Variants in IFIT1 observed in about 807,000 individuals in gnomAD.
IFIT1 encodes the protein antiviral innate immune response effector IFIT1.
Under a neutral mutation model 2.5 loss-of-function variants are expected in IFIT1, and 1 was observed. The observed-to-expected ratio is 0.40, with a 90% confidence interval of 0.14 to 1.92. The LOEUF (loss-of-function observed/expected upper bound fraction) is 1.92, where lower values mean the gene tolerates loss of function less well. IFIT1 is among the 40% of genes most tolerant of loss of function. The probability of loss-of-function intolerance (pLI) is 0.31; values close to 1 mark genes in which losing one functional copy is unlikely to be tolerated. For synonymous variants in IFIT1, 191 were observed against 201.7 expected, an observed-to-expected ratio of 0.95 and a Z score of 0.45; for missense variants, 508 against 557.8, an observed-to-expected ratio of 0.91 and a Z score of 0.90.
chr10:89,393,414 G>T, intron 1 of IFIT1: 1 of 737,700 alleles, frequency 1.4e-6, no homozygotes, highest in Non-Finnish European at 1.9e-6. Flanking sequence ...AGGGCCTAAT[G>T]TGGGAATTTC....
chr10:89,395,187 C>G (rs1844323489), intron 1 of IFIT1, among the ~76,000 whole-genome samples: 1 of 150,114 alleles, frequency 6.7e-6, no homozygotes, highest in Admixed American at 6.6e-5. Context: ...GACCCCACCC[C>G]CACCCCACAT....
intron 1 of IFIT1, 120 bp downstream of exon 1, chr10:89,392,837 T>C: frequency 1.0e-6 from 1 of 969,458 alleles, no homozygotes; most frequent in Non-Finnish European, 1.6e-6. Flanking sequence ...TCGATTTGAG[T>C]ATCTGCTTAT....
rs112771875 is a variant in IFIT1 at position 89,405,894 on chromosome 10, C to CGGG, written c.*2188_*2190dup. ...GGAGACTTGGCCATGGATACGATTG[C>CGGG]GGGGGGGGCATTATTCTTACCACAG... is the stretch of plus-strand genomic sequence containing the variant. On this transcript the variant is annotated 3_prime_UTR_variant, in exon 2 of 2. Coordinates refer to ENST00000371804, the MANE Select transcript of IFIT1 (RefSeq NM_001548.5). 3.0e-4 allele frequency: 45 copies of CGGG among 151,490 alleles called. No individual in the cohort carries two copies. The highest frequency in any genetic ancestry group is 1.0e-3 in the African/African-American group (42 of 41,272). 9.4% of individuals were successfully genotyped at this position (151,490 alleles called of 1,614,324 possible). A position where few individuals can be genotyped will look rare whatever the true frequency, so the allele number is the denominator to read the frequency against.
intron 1 of IFIT1, among the ~76,000 whole-genome samples, chr10:89,397,772 T>C (rs1844366191): frequency 1.3e-5 from 2 of 152,226 alleles, no homozygotes; most frequent in Non-Finnish European, 2.9e-5. Context: ...ACTATACCAA[T>C]TTACAAAAAC....
At chr10:89,394,393 G>A (rs1844302991) in intron 1 of IFIT1, among the ~76,000 whole-genome samples, 1 of 151,978 alleles carries the variant, frequency 6.6e-6, no homozygotes, top group East Asian at 1.9e-4. Flanking sequence ...AGATCACACA[G>A]ACAATAAGTG....
intron 1 of IFIT1, among the ~76,000 whole-genome samples, chr10:89,398,098 ATCAG>A (rs1384950779): frequency 6.6e-6 from 1 of 152,152 alleles, no homozygotes; most frequent in Admixed American, 6.5e-5. Context: ...AGTGTGGAGG[ATCAG>A]TCAGAGTGAC....
Position 89,402,900 on chromosome 10 carries a change from G to C in IFIT1, c.625G>C (p.Ala209Pro). The change falls in exon 2 of 2, where the codon GCT becomes CCT. Residue 209 changes from alanine (A) to proline (P), a missense_variant. Transcript: ENST00000371804. ...ATTTTCTTTGCTTCCCCTAAGGCAG[G>C]CTGTCCGCTTAAATCCAGACAATGG... ...KPFSLLPLRQ[A>P]VRLNPDNGYI... is the part of the protein sequence containing the mutation. 2 of 1,614,182 alleles carry C rather than the reference G, an allele frequency of 1.2e-6. No homozygotes were observed. The highest frequency in any genetic ancestry group is 1.7e-6 in the Non-Finnish European group (2 of 1,180,044).
intron 1 of IFIT1, among the ~76,000 whole-genome samples, chr10:89,400,668 C>T (rs1185310084): frequency 6.6e-6 from 1 of 152,086 alleles, no homozygotes; most frequent in Non-Finnish European, 1.5e-5. Context: ...TGTGTAGAAT[C>T]CTTAGAATTT....
Position 89,402,457 on chromosome 10 carries a change from T to C in IFIT1, c.182T>C (p.Val61Ala). The change falls in exon 2 of 2, where the codon GTG becomes GCG. Residue 61 changes from valine (V) to alanine (A), a missense_variant. Transcript: ENST00000371804. ...GGAATACACAACCTACTAGCCTATGTGAAACACCTGAAAGGCCAGAATGAG... is the reference window on the plus strand; with the variant it reads ...GGAATACACAACCTACTAGCCTATGCGAAACACCTGAAAGGCCAGAATGAG... ...SVGIHNLLAYVKHLKGQNEEA... is the reference protein window; with the variant it reads ...SVGIHNLLAYAKHLKGQNEEA... 1.3e-5 allele frequency: 21 copies of C among 1,614,192 alleles called. No homozygotes were observed. The highest frequency in any genetic ancestry group is 1.7e-5 in the Non-Finnish European group (20 of 1,180,042).
rs550365628 is a variant in IFIT1, at chr10:89,405,901, G to C, written c.*2189G>C. 2.6e-5 allele frequency: 4 copies of C among 152,014 alleles called. No homozygotes were observed. Among genetic ancestry groups the C allele is most frequent in the Non-Finnish European group, 4.4e-5 (3 of 67,988 alleles). The allele number at this position is 152,014 out of a possible 1,614,324, so 9.4% of individuals were successfully genotyped here. A position where few individuals can be genotyped will look rare whatever the true frequency, so the allele number is the denominator to read the frequency against. On this transcript the variant is annotated 3_prime_UTR_variant, in exon 2 of 2. Transcript: ENST00000371804. ...TGGCCATGGATACGATTGCGGGGGGGGCATTATTCTTACCACAGAGCACCC... is the reference window on the plus strand; with the variant it reads ...TGGCCATGGATACGATTGCGGGGGGCGCATTATTCTTACCACAGAGCACCC...
chr10:89,397,601 T>A (rs965852220), intron 1 of IFIT1, among the ~76,000 whole-genome samples: 1 of 152,162 alleles, frequency 6.6e-6, no homozygotes, highest in Non-Finnish European at 1.5e-5. Flanking sequence ...ATCTTAAACT[T>A]CTGGCCTCAA....
In IFIT1 at chr10:89,402,610, C is replaced by A; in HGVS notation, c.335C>A (p.Ala112Glu). Residue 112 changes from alanine to glutamate, a missense_variant, in exon 2 of 2, where the codon GCA becomes GAA. Ala to Glu is a moderately radical substitution (Grantham distance 107, BLOSUM62 -1). Transcript: ENST00000371804. ...ATGTATTACCACATGGGCAGACTGG[C>A]AGAAGCCCAGACTTACCTGGACAAG... Reference protein sequence around the residue: ...AWMYYHMGRLAEAQTYLDKVE... With the variant: ...AWMYYHMGRLEEAQTYLDKVE... 1 of 1,614,184 alleles carries A rather than the reference C, an allele frequency of 6.2e-7. No individual in the cohort carries two copies. Among genetic ancestry groups the A allele is most frequent in the South Asian group, 1.1e-5 (1 of 91,076 alleles).
intron 1 of IFIT1, among the ~76,000 whole-genome samples, chr10:89,393,661 C>T (rs1433392298): frequency 6.6e-6 from 1 of 152,136 alleles, no homozygotes; most frequent in Non-Finnish European, 1.5e-5. Flanking sequence ...ACCTGGGAGG[C>T]GTAAGTTGCA....
At position 89,403,613 on chromosome 10, in the gene IFIT1, C is replaced by G. The variant is rs756360767; in HGVS notation, c.1338C>G (p.Val446=). Residue 446 remains valine (V), a synonymous_variant, in exon 2 of 2, where the codon GTC becomes GTG. Transcript: ENST00000371804. The part of the protein sequence containing the change: ...DLESLSLLGF[V]YKLEGNMNEA... ...AAAGCTTGAGCCTCCTTGGGTTCGTCTACAAATTGGAAGGAAATATGAATG... is the reference window on the plus strand; with the variant it reads ...AAAGCTTGAGCCTCCTTGGGTTCGTGTACAAATTGGAAGGAAATATGAATG... The G allele has an allele frequency of 1.9e-6, 3 of 1,614,098 alleles. No homozygotes were observed. In the South Asian group the frequency reaches 3.3e-5, roughly 18 times the overall value.
intron 1 of IFIT1, among the ~76,000 whole-genome samples, chr10:89,394,910 G>A (rs899601245): frequency 4.0e-5 from 6 of 151,756 alleles, no homozygotes; most frequent in African/African-American, 1.5e-4. Flanking sequence ...TGCCTATTGT[G>A]GGTATTTCAT....
Position 89,402,264 on chromosome 10 carries a change from T to G in IFIT1, c.6-17T>G. Reference sequence around the variant, plus strand: ...TGTTCCTCACCTAACAAAGAAAATCTGTTTTTGTTTTTACAGTACAAATGG... The same window carrying G: ...TGTTCCTCACCTAACAAAGAAAATCGGTTTTTGTTTTTACAGTACAAATGG... On this transcript the variant is annotated splice_polypyrimidine_tract_variant and intron_variant, in intron 1 of 1. Coordinates refer to ENST00000371804, the MANE Select transcript of IFIT1 (RefSeq NM_001548.5). 1.3e-6 allele frequency: 2 copies of G among 1,530,164 alleles called. No individual in the cohort carries two copies. Among genetic ancestry groups the G allele is most frequent in the Non-Finnish European group, 1.8e-6 (2 of 1,125,684 alleles). 94.8% of individuals were successfully genotyped at this position (1,530,164 alleles called of 1,614,324 possible).
chr10:89,393,291 C>T (rs1289255049), intron 1 of IFIT1: 9 of 1,289,354 alleles, frequency 7.0e-6, no homozygotes, highest in African/African-American at 1.5e-5. Flanking sequence ...CGCAATCAGG[C>T]TGAGCTTAAG....
At position 89,403,633 on chromosome 10, in the gene IFIT1, T is replaced by G. The variant is rs149279973; in HGVS notation, c.1358T>G (p.Met453Arg). 7 of 1,614,098 alleles carry G rather than the reference T, an allele frequency of 4.3e-6. No homozygotes were observed. The South Asian group carries it at 7.7e-5, about 18-fold the overall frequency. ...LGFVYKLEGN[M>R]NEALEYYERA... Reference sequence around the variant, plus strand: ...TTCGTCTACAAATTGGAAGGAAATATGAATGAAGCCCTGGAGTACTATGAG... The same window carrying G: ...TTCGTCTACAAATTGGAAGGAAATAGGAATGAAGCCCTGGAGTACTATGAG... The change falls in exon 2 of 2, where the codon ATG (methionine) becomes AGG (arginine). Residue 453 changes from methionine to arginine, a missense_variant. By Grantham distance (91) the Met-to-Arg change is moderately conservative (BLOSUM62 -1). Coordinates refer to ENST00000371804, the MANE Select transcript of IFIT1 (RefSeq NM_001548.5).
At chr10:89,398,267 G>A (rs1048628393) in intron 1 of IFIT1, among the ~76,000 whole-genome samples, 3 of 152,212 alleles carry the variant, frequency 2.0e-5, no homozygotes, top group Non-Finnish European at 4.4e-5. Context: ...ATCTTAAACA[G>A]GCTTGTTTAT....
Sources: gnomAD v4.1 joint callset for allele counts (sites outside exome capture counted in the v4.1 genomes callset) on GRCh38, gnomAD v4.1.1 for gene constraint, MANE v1.5 for transcripts, NCBI Gene and HGNC (gene_info 2026-07-23, HGNC 2026-07-21) for gene names.